The following SARS2 variants were observed in gnomAD, a reference collection of about 807,000 sequenced individuals.
SARS2 encodes the protein seryl-tRNA synthetase 2, mitochondrial.
A neutral mutation model predicts 66.8 loss-of-function variants in SARS2; 52 were observed. The ratio of observed to expected loss-of-function variants is 0.78; its 90% CI spans 0.62 to 0.98. The LOEUF is 0.98. SARS2 is among the 50% of genes least tolerant of loss of function. The pLI, the probability that SARS2 is intolerant of heterozygous loss-of-function variation, is 0.00. For synonymous variants in SARS2, 306 were observed against 281.4 expected, an observed-to-expected ratio of 1.09 and a Z score of -0.87; for missense variants, 673 against 706.3, an observed-to-expected ratio of 0.95 and a Z score of 0.53.
intron 2 of SARS2, among the ~76,000 whole-genome samples, chr19:38,923,052 C>T (rs1420688011): frequency 1.5e-5 from 2 of 135,122 alleles, no homozygotes; most frequent in East Asian, 2.3e-4. Flanking sequence ...TACAGGTGCC[C>T]GCCACCACGA....
Position 38,918,519 on chromosome 19 carries a change from CCCACAGCCTTCCTGGGGGAGGAGGCCAGG to C in SARS2, c.808-18_818del, listed in dbSNP as rs1250566882. On this transcript the variant is annotated splice_acceptor_variant and splice_polypyrimidine_tract_variant and coding_sequence_variant and intron_variant, in exon 9 of 16. Coordinates refer to ENST00000221431, the MANE Select transcript of SARS2 (RefSeq NM_017827.4). LOFTEE classifies it high-confidence loss of function. ...GGGATGGGTTGGCATTTGGTGTCAT[CCCACAGCCTTCCTGGGGGAGGAGGCCAGG>C]CCACAGGGATCAGGGGACAGGTAAC... 6 of 1,613,750 alleles carry C rather than the reference CCCACAGCCTTCCTGGGGGAGGAGGCCAGG, an allele frequency of 3.7e-6. No individual in the cohort carries two copies. The Admixed American group carries it at 5.0e-5, about 13-fold the overall frequency.
Position 38,919,852 on chromosome 19 carries a change from C to G in SARS2, c.669G>C (p.Val223=), listed in dbSNP as rs1974486231. 1 of 1,613,968 alleles carries G rather than the reference C, an allele frequency of 6.2e-7. No individual in the cohort carries two copies. The highest frequency in any genetic ancestry group is 1.7e-5 in the Admixed American group (1 of 59,990). ...DIIRQKRLSH[V]SGHRSYYLRG... ...GCAGGTAATAGGACCGGTGGCCAGA[C>G]ACGTGGGACAGGCGCCTGGGAGACA... Residue 223 remains valine (V), a synonymous_variant, in exon 7 of 16, where the codon GTG becomes GTC. Coordinates refer to ENST00000221431, the MANE Select transcript of SARS2 (RefSeq NM_017827.4).
At chr19:38,923,718 C>A (rs908493368) in intron 2 of SARS2, among the ~76,000 whole-genome samples, 1 of 151,874 alleles carries the variant, frequency 6.6e-6, no homozygotes, top group Non-Finnish European at 1.5e-5. Flanking sequence ...TGGTGGCTTA[C>A]GCCTGTAATC....
chr19:38,921,826 C>A, intron 3 of SARS2, 159 bp from the exon 4 acceptor site: 1 of 1,324,730 alleles, frequency 7.5e-7, no homozygotes, highest in South Asian at 1.3e-5. Context: ...CTTACCACCA[C>A]ATGGCAGGTT....
At chr19:38,918,390 TGCTCC>T (rs1163264337) in intron 9 of SARS2, 27 bp downstream of exon 9, 9 of 1,581,628 alleles carry the variant, frequency 5.7e-6, no homozygotes, top group Non-Finnish European at 7.8e-6. Context: ...ACATCACTCC[TGCTCC>T]TCCCCACCAC....
At chr19:38,925,157 T>C (rs1974606375) in intron 2 of SARS2, among the ~76,000 whole-genome samples, 1 of 151,960 alleles carries the variant, frequency 6.6e-6, no homozygotes, top group Non-Finnish European at 1.5e-5. Context: ...CTACTAAAAA[T>C]ACAAAATTAG....
rs9749516 is a variant in SARS2, at chr19:38,917,446, T to C, written c.1160+278A>G. ...ATCTTGGGTTGCACAGATGAGGCAG[T>C]GGCCCAGAGAGAGGGGGAGCAGCAG... On this transcript the variant is annotated intron_variant, in intron 12 of 15. Coordinates refer to ENST00000221431, the MANE Select transcript of SARS2 (RefSeq NM_017827.4). Among the ~76,000 whole-genome samples the C allele has an allele frequency of 0.73, 110,942 of 152,118 alleles. 41,590 individuals are homozygous for C. Among genetic ancestry groups the C allele is most frequent in the East Asian group, 0.97 (4,993 of 5,168 alleles).
intron 5 of SARS2, 60 bp from the exon 6 acceptor site, chr19:38,920,209 T>A: frequency 7.4e-7 from 1 of 1,355,566 alleles, no homozygotes; most frequent in Non-Finnish European, 1.0e-6. Context: ...GGGGCCCAGA[T>A]AGAAGCTTCC....
chr19:38,917,628 G>A (rs1974440144), intron 12 of SARS2, 96 bp downstream of exon 12: 2 of 817,724 alleles, frequency 2.4e-6, no homozygotes, highest in Admixed American at 1.8e-5. Context: ...CGAGGGGGCT[G>A]GAGAGGTGGT....
At chr19:38,918,729 C>T (rs1374103599) in intron 8 of SARS2, 37 bp downstream of exon 8, 1 of 1,553,342 alleles carries the variant, frequency 6.4e-7, no homozygotes, top group Non-Finnish European at 8.7e-7. Context: ...GGGCCTGACA[C>T]CCAGGTGGGC....
intron 2 of SARS2, among the ~76,000 whole-genome samples, chr19:38,925,254 A>C (rs1364910605): frequency 6.6e-6 from 1 of 152,184 alleles, no homozygotes; most frequent in East Asian, 1.9e-4. Flanking sequence ...CAGAGGGTGC[A>C]GTGAGCCCAG....
intron 2 of SARS2, among the ~76,000 whole-genome samples, chr19:38,922,664 G>C (rs1412236562): frequency 6.6e-6 from 1 of 152,104 alleles, no homozygotes; most frequent in African/African-American, 2.4e-5. Context: ...CTGGTGGGAG[G>C]TGATCGGGTC....
rs1974449185 is a variant in SARS2 at position 38,918,012 on chromosome 19, G to A, written c.963-4C>T. The A allele has an allele frequency of 1.9e-6, 3 of 1,600,064 alleles. No homozygotes were observed. Among genetic ancestry groups the A allele is most frequent in the Admixed American group, 3.5e-5 (2 of 57,372 alleles). ...GCAGGTGCTGGAGCAAACCATCCTG[G>A]CAGAGAGCAGGGAAAGTCGGGTCAA... is the stretch of plus-strand genomic sequence containing the variant. On this transcript the variant is annotated splice_polypyrimidine_tract_variant and splice_region_variant and intron_variant, in intron 10 of 15. Coordinates refer to ENST00000221431, the MANE Select transcript of SARS2 (RefSeq NM_017827.4).
chr19:38,920,938 GAC>G (rs142895480), intron 5 of SARS2, among the ~76,000 whole-genome samples: 71,900 of 120,746 alleles, frequency 0.6, 17,839 homozygotes, highest in African/African-American at 0.7. Context: ...CACACACATA[GAC>G]ACACACACAC....
intron 9 of SARS2, 132 bp downstream of exon 9, chr19:38,918,290 A>T: frequency 8.8e-7 from 1 of 1,137,910 alleles, no homozygotes; most frequent in Non-Finnish European, 1.3e-6. Context: ...AACAACCTAC[A>T]CAGCCGTACA....
In SARS2 at chr19:38,921,529, C is replaced by T. The variant is rs758143485; in HGVS notation, c.532G>A (p.Val178Met). The change falls in exon 4 of 16, where the codon GTG (valine) becomes ATG (methionine). Residue 178 changes from valine (V) to methionine (M), a missense_variant and splice_region_variant. Coordinates refer to ENST00000221431, the MANE Select transcript of SARS2 (RefSeq NM_017827.4). ...LKLPNQTHPD[V>M]PVGDESQARV... ...CTGCCACCCAGCACGGTGCTCACCA[C>T]GTCTGGGTGGGTCTGGTTGGGCAGC... The T allele has an allele frequency of 6.8e-6, 11 of 1,614,048 alleles. No homozygotes were observed. The highest frequency in any genetic ancestry group is 4.0e-5 in the African/African-American group (3 of 74,926).
Position 38,930,519 on chromosome 19 carries a change from G to A in SARS2, c.218C>T (p.Ala73Val), listed in dbSNP as rs1194624118. 2.5e-6 allele frequency: 4 copies of A among 1,612,648 alleles called. No homozygotes were observed. Among genetic ancestry groups the A allele is most frequent in the Non-Finnish European group, 3.4e-6 (4 of 1,179,730 alleles). ...FCACPEEAAHALELRKGELRS... is the reference protein window; with the variant it reads ...FCACPEEAAHVLELRKGELRS... ...CAGCTCCCCCTTGCGGAGCTCCAGG[G>A]CGTGTGCGGCCTCTTCTGGGCATGC... is the stretch of plus-strand genomic sequence containing the variant. The change falls in exon 1 of 16, where the codon GCC becomes GTC. Residue 73 changes from alanine to valine, a missense_variant. Physicochemically the swap from Ala to Val is moderately conservative, Grantham distance 64 (BLOSUM62 0). Transcript: ENST00000221431.
chr19:38,918,186 G>A lies in SARS2; in HGVS notation c.917-47C>T, dbSNP rs527701185. On this transcript the variant is annotated intron_variant, in intron 9 of 15. Coordinates refer to ENST00000221431, the MANE Select transcript of SARS2 (RefSeq NM_017827.4). The stretch of plus-strand genomic sequence containing the variant: ...TGAGCCAGGGCTGCCAGTGCCCAGA[G>A]GAAGCCTTTGGAAGATTAAGAGGCA... 1.7e-5 allele frequency: 27 copies of A among 1,554,606 alleles called. No individual in the cohort carries two copies. In the African/African-American group the frequency reaches 2.9e-4, roughly 16 times the overall value.
In SARS2 at chr19:38,921,444, G is replaced by C. The variant is rs367745401; in HGVS notation, c.537C>G (p.Pro179=). The change falls in exon 5 of 16, where the codon CCC becomes CCG. Residue 179 remains proline, a splice_region_variant and synonymous_variant. Coordinates refer to ENST00000221431, the MANE Select transcript of SARS2 (RefSeq NM_017827.4). ...KLPNQTHPDV[P]VGDESQARVL... Reference sequence around the variant, plus strand: ...CTCGAGCCTGGCTCTCATCCCCGACGGGCTGCAGGGAGACAGCAGGAGTCA... The same window carrying C: ...CTCGAGCCTGGCTCTCATCCCCGACCGGCTGCAGGGAGACAGCAGGAGTCA... 4 of 1,613,914 alleles carry C rather than the reference G, an allele frequency of 2.5e-6. No individual in the cohort carries two copies. The highest frequency in any genetic ancestry group is 3.4e-6 in the Non-Finnish European group (4 of 1,180,020).
Sources: gnomAD v4.1 joint callset for allele counts (sites outside exome capture counted in the v4.1 genomes callset) on GRCh38, gnomAD v4.1.1 for gene constraint, MANE v1.5 for transcripts, NCBI Gene and HGNC (gene_info 2026-07-23, HGNC 2026-07-21) for gene names.